Variants in MTMR9 observed in about 807,000 individuals in gnomAD.
MTMR9 encodes myotubularin-related protein 9.
Under a neutral mutation model 69.5 loss-of-function variants are expected in MTMR9, and 39 were observed. That is an observed-to-expected ratio of 0.56 (90% CI 0.43 to 0.73). The LOEUF (loss-of-function observed/expected upper bound fraction) is 0.73. Ranked by LOEUF, MTMR9 falls within the 30% of genes least tolerant of loss-of-function variation. The pLI is 0.00. For missense variants in MTMR9, 900 were observed against 671.2 expected (o/e 1.34, Z -3.77); for synonymous variants, 354 against 240.8 (o/e 1.47, Z -4.35).
chr8:11,296,128 T>C (rs569835011), intron 2 of MTMR9, among the ~76,000 whole-genome samples: 1 of 152,306 alleles, frequency 6.6e-6, no homozygotes, highest in African/African-American at 2.4e-5. Context: ...ATTACATGTA[T>C]TAGTACATTA....
chr8:11,312,960 G>C (rs907576474), intron 6 of MTMR9, among the ~76,000 whole-genome samples: 1 of 152,204 alleles, frequency 6.6e-6, no homozygotes, highest in Admixed American at 6.5e-5. Flanking sequence ...CTGAGCAGTA[G>C]GTCTCAACAG....
intron 8 of MTMR9, 178 bp downstream of exon 8, chr8:11,317,071 T>C: frequency 6.9e-6 from 3 of 434,558 alleles, no homozygotes; most frequent in Non-Finnish European, 1.2e-5. Flanking sequence ...TATGAGAGCA[T>C]GTCCTAGACT....
downstream of MTMR9, among the ~76,000 whole-genome samples, chr8:11,328,344 C>CGTGTGTGTGTGTGT (rs151066674): frequency 3.8e-4 from 35 of 90,996 alleles, no homozygotes; most frequent in African/African-American, 8.1e-4. Flanking sequence ...TTTAATACCA[C>CGTGTGTGTGTGTGT]GTGTGTGTGT....
chr8:11,298,446 T>C (rs1328263000), intron 2 of MTMR9, among the ~76,000 whole-genome samples: 2 of 152,136 alleles, frequency 1.3e-5, no homozygotes, highest in African/African-American at 2.4e-5. Flanking sequence ...TATTTTGTTT[T>C]ATGAGGTAGG....
At chr8:11,338,126 T>C in the MTMR9 span, among the ~76,000 whole-genome samples, 4 of 152,334 alleles carry the variant, frequency 2.6e-5, no homozygotes, top group Non-Finnish European at 5.9e-5. Context: ...TGACTCAGAA[T>C]TTAGCGTCCT....
Position 11,325,832 on chromosome 8 carries a change from A to ATG in MTMR9, c.*3044_*3045insTG, listed in dbSNP as rs1800908355. Reference sequence around the variant, plus strand: ...AATAGTAAAATTCAGTAGGTTTAAAACAATCTATAAATGTATTTTATTTCC... The same window carrying ATG: ...AATAGTAAAATTCAGTAGGTTTAAAATGCAATCTATAAATGTATTTTATTTCC... On this transcript the variant is annotated 3_prime_UTR_variant, in exon 10 of 10. Transcript: ENST00000221086. 1.3e-5 allele frequency: 2 copies of ATG among 152,178 alleles called. No homozygotes were observed. Among genetic ancestry groups the ATG allele is most frequent in the Non-Finnish European group, 2.9e-5 (2 of 68,046 alleles). The allele number at this position is 152,178 out of a possible 1,614,324, so 9.4% of individuals were successfully genotyped here. A position where few individuals can be genotyped will look rare whatever the true frequency, so the allele number is the denominator to read the frequency against.
chr8:11,298,910 G>T, intron 2 of MTMR9: 7 of 980,524 alleles, frequency 7.1e-6, no homozygotes, highest in Non-Finnish European at 8.5e-6. Context: ...TAGAGTTATT[G>T]CCCCCATTTG....
chr8:11,339,152 C>A, the MTMR9 span, among the ~76,000 whole-genome samples: 7 of 152,108 alleles, frequency 4.6e-5, no homozygotes, highest in African/African-American at 1.7e-4. Context: ...TCAGTCTGAC[C>A]CCTGCAAATC....
At chr8:11,333,157 C>G in the MTMR9 span, among the ~76,000 whole-genome samples, 2 of 152,140 alleles carry the variant, frequency 1.3e-5, no homozygotes, top group Non-Finnish European at 2.9e-5. Context: ...CAAGAAGCCT[C>G]TACAACAACC....
the MTMR9 span, among the ~76,000 whole-genome samples, chr8:11,335,944 G>C: frequency 3.9e-5 from 6 of 152,288 alleles, no homozygotes; most frequent in South Asian, 4.1e-4. Flanking sequence ...CGTGAAGTTG[G>C]GGGGAGGACA....
rs373184804 is a variant in MTMR9, at chr8:11,285,103, A to T, written c.182+33A>T. ...CCCGCCCCACCCCAGCTCCGCAGGG[A>T]GCCGGGGGTCCCTTGTGGGCGCCCC... is the stretch of plus-strand genomic sequence containing the variant. On this transcript the variant is annotated intron_variant, in intron 1 of 9. Transcript: ENST00000221086. 15 of 1,511,822 alleles carry T rather than the reference A, an allele frequency of 9.9e-6. No homozygotes were observed. In the African/African-American group the frequency reaches 1.9e-4, roughly 19 times the overall value. 93.7% of individuals were successfully genotyped at this position (1,511,822 alleles called of 1,614,324 possible).
chr8:11,313,826 A>G (rs1246444201), intron 6 of MTMR9, among the ~76,000 whole-genome samples: 2 of 152,246 alleles, frequency 1.3e-5, no homozygotes, highest in Non-Finnish European at 2.9e-5. Flanking sequence ...AGTTGTAATA[A>G]TAATGAAAAA....
rs781748934 is a variant in MTMR9, at chr8:11,306,287, G to A, written c.689G>A (p.Arg230His). 13 of 1,613,948 alleles carry A rather than the reference G, an allele frequency of 8.1e-6. No homozygotes were observed. The highest frequency in any genetic ancestry group is 1.7e-5 in the Admixed American group (1 of 59,976). The change falls in exon 5 of 10, where the codon CGT becomes CAT. Residue 230 changes from arginine (R) to histidine (H), a missense_variant. By Grantham distance (29) the Arg-to-His change is conservative. Transcript: ENST00000221086. The part of the protein sequence containing the change: ...LINATLRAGK[R>H]GYIIDTRSLN... ...AATGCTACCCTCAGGGCTGGAAAGC[G>A]TGGCTACATCATTGACACCCGATCC...
At chr8:11,285,241 G>A (rs1799105652) in intron 1 of MTMR9, 171 bp downstream of exon 1, 2 of 612,062 alleles carry the variant, frequency 3.3e-6, no homozygotes, top group South Asian at 4.4e-5. Context: ...CCAGATGGAG[G>A]ACCCGGTTTC....
chr8:11,329,476 A>G (rs1195638036), downstream of MTMR9, among the ~76,000 whole-genome samples: 3 of 152,018 alleles, frequency 2.0e-5, no homozygotes, highest in Non-Finnish European at 4.4e-5. Flanking sequence ...GCCACGCCTG[A>G]CTGGTTTTCG....
chr8:11,309,757 A>G (rs893302190), intron 6 of MTMR9, 69 bp downstream of exon 6: 5 of 1,532,082 alleles, frequency 3.3e-6, no homozygotes, highest in African/African-American at 2.7e-5. Context: ...TTATCCAGAC[A>G]TATGTTTATA....
At chr8:11,298,733 C>T (rs1219436923) in intron 2 of MTMR9, 9 of 933,568 alleles carry the variant, frequency 9.6e-6, no homozygotes, top group Non-Finnish European at 1.1e-5. Flanking sequence ...CCCCCCCCGC[C>T]ATCCAGTATA....
chr8:11,316,957 C>T, intron 8 of MTMR9, 64 bp downstream of exon 8: 4 of 1,109,050 alleles, frequency 3.6e-6, no homozygotes, highest in Non-Finnish European at 5.1e-6. Context: ...CCTAAGTAGC[C>T]AGAATCTCCT....
At chr8:11,337,878 C>G in the MTMR9 span, among the ~76,000 whole-genome samples, 1 of 152,170 alleles carries the variant, frequency 6.6e-6, no homozygotes, top group Non-Finnish European at 1.5e-5. Context: ...AAGATAGTAC[C>G]TGTCCTCCTA....
Sources: gnomAD v4.1 joint callset for allele counts (sites outside exome capture counted in the v4.1 genomes callset) on GRCh38, gnomAD v4.1.1 for gene constraint, MANE v1.5 for transcripts, NCBI Gene and HGNC (gene_info 2026-07-23, HGNC 2026-07-21) for gene names.